CTSO: variants seen among roughly 807,000 people sequenced by gnomAD.
The protein encoded by CTSO is cathepsin O.
CTSO carries 40 observed loss-of-function variants against 42.4 expected under a neutral mutation model. That is an observed-to-expected ratio of 0.94 (90% CI 0.73 to 1.23). The LOEUF (loss-of-function observed/expected upper bound fraction) is 1.23, where lower values mean the gene tolerates loss of function less well. Ranked by LOEUF, CTSO falls within the 50% of genes most tolerant of loss-of-function variation. CTSO has a pLI of 0.00. For synonymous variants in CTSO, 156 were observed against 146.2 expected, an observed-to-expected ratio of 1.07 and a Z score of -0.48; for missense variants, 441 against 396.0, an observed-to-expected ratio of 1.11 and a Z score of -0.96.
chr4:155,953,679 A>G, intron 1 of CTSO, 34 bp downstream of exon 1: 1 of 1,253,618 alleles, frequency 8.0e-7, no homozygotes, highest in Non-Finnish European at 1.0e-6. Flanking sequence ...GTGAGGGAGC[A>G]GGGACAGATC....
Position 155,928,177 on chromosome 4 carries a change from T to C in CTSO, c.931+159A>G, listed in dbSNP as rs187106526. Among the ~76,000 whole-genome samples, 8 of 145,690 alleles carry C rather than the reference T, an allele frequency of 5.5e-5. 2 individuals are homozygous for C. In the South Asian group the frequency reaches 1.9e-3, roughly 34 times the overall value. ...TCTTCCTTTTTCAAATACTAATATG[T>C]TTAACAGTTCCTCTTGCAAAACACT... On this transcript the variant is annotated intron_variant, in intron 7 of 7. Transcript: ENST00000433477.
At chr4:155,930,765 A>G (rs945084672) in intron 5 of CTSO, among the ~76,000 whole-genome samples, 7 of 152,136 alleles carry the variant, frequency 4.6e-5, no homozygotes, top group African/African-American at 1.7e-4. Context: ...ATAATAATGG[A>G]ATTGATTGAA....
At chr4:155,928,188 C>T in intron 7 of CTSO, 148 bp downstream of exon 7, 4 of 475,236 alleles carry the variant, frequency 8.4e-6, no homozygotes, top group East Asian at 3.3e-5. Context: ...TTAACAGTTC[C>T]TCTTGCAAAA....
chr4:155,927,757 A>G (rs1743155970), intron 7 of CTSO, among the ~76,000 whole-genome samples: 1 of 152,108 alleles, frequency 6.6e-6, no homozygotes, highest in Non-Finnish European at 1.5e-5. Flanking sequence ...CCTGGGAGAC[A>G]GAGCGAGACT....
chr4:155,929,764 G>T, intron 5 of CTSO, 59 bp from the exon 6 acceptor site: 3 of 1,488,616 alleles, frequency 2.0e-6, no homozygotes, highest in South Asian at 1.3e-5. Flanking sequence ...AAATAACAAT[G>T]ATCTATATAA....
intron 7 of CTSO, 104 bp from the exon 8 acceptor site, chr4:155,926,174 A>G: frequency 1.3e-6 from 1 of 744,402 alleles, no homozygotes; most frequent in Non-Finnish European, 2.2e-6. Context: ...GTATCTACTG[A>G]GAAAATAATG....
At chr4:155,933,960 A>G (rs545728615) in intron 5 of CTSO, among the ~76,000 whole-genome samples, 15 of 152,332 alleles carry the variant, frequency 9.8e-5, no homozygotes, top group African/African-American at 3.4e-4. Flanking sequence ...GAGACATTGA[A>G]GCCAGCTGCA....
intron 1 of CTSO, among the ~76,000 whole-genome samples, chr4:155,948,520 A>T (rs1743587980): frequency 6.6e-6 from 1 of 152,186 alleles, no homozygotes; most frequent in African/African-American, 2.4e-5. Flanking sequence ...CTTCATGAGT[A>T]TGCTAAAGGA....
intron 3 of CTSO, 103 bp from the exon 4 acceptor site, chr4:155,939,641 C>A: frequency 9.6e-7 from 1 of 1,046,456 alleles, no homozygotes; most frequent in Non-Finnish European, 1.4e-6. Flanking sequence ...CTTCCAGATT[C>A]TGGAAACCTA....
At chr4:155,952,677 G>A (rs1004576748) in intron 1 of CTSO, among the ~76,000 whole-genome samples, 1 of 152,226 alleles carries the variant, frequency 6.6e-6, no homozygotes, top group African/African-American at 2.4e-5. Flanking sequence ...AGAGTGGACA[G>A]AATCAGGGAA....
chr4:155,937,742 GT>G (rs1743357307), intron 4 of CTSO, among the ~76,000 whole-genome samples: 1 of 151,956 alleles, frequency 6.6e-6, no homozygotes, highest in Non-Finnish European at 1.5e-5. Flanking sequence ...CGTCTCCCCA[GT>G]AGCTGTGACT....
chr4:155,928,782 A>G (rs1038655794), intron 6 of CTSO, among the ~76,000 whole-genome samples: 6 of 152,214 alleles, frequency 3.9e-5, no homozygotes. Context: ...ATTATTCTAA[A>G]TGTTCCCGAT....
chr4:155,933,882 C>T (rs750194497), intron 5 of CTSO, among the ~76,000 whole-genome samples: 38 of 152,134 alleles, frequency 2.5e-4, no homozygotes, highest in Non-Finnish European at 5.4e-4. Flanking sequence ...AAAGGGAAAA[C>T]AGAGCATAAA....
At chr4:155,952,726 C>A (rs1028662151) in intron 1 of CTSO, among the ~76,000 whole-genome samples, 1 of 152,022 alleles carries the variant, frequency 6.6e-6, no homozygotes, top group African/African-American at 2.4e-5. Context: ...CCAGGAGAGT[C>A]GGGGGAAAAG....
At chr4:155,941,043 A>G (rs1743421603) in intron 3 of CTSO, among the ~76,000 whole-genome samples, 1 of 152,264 alleles carries the variant, frequency 6.6e-6, no homozygotes, top group Non-Finnish European at 1.5e-5. Flanking sequence ...TCTAATTGAC[A>G]TGTTATTACA....
intron 1 of CTSO, among the ~76,000 whole-genome samples, chr4:155,948,145 A>G (rs1268782755): frequency 6.6e-6 from 1 of 152,174 alleles, no homozygotes; most frequent in Non-Finnish European, 1.5e-5. Context: ...CAGAAGGGTA[A>G]CTCAGAACCC....
chr4:155,943,299 A>G (rs1444602555), intron 1 of CTSO, 35 bp from the exon 2 acceptor site: 2 of 1,329,124 alleles, frequency 1.5e-6, no homozygotes, highest in African/African-American at 1.5e-5. Flanking sequence ...CATATCCACT[A>G]TGTCAGTTTT....
intron 3 of CTSO, among the ~76,000 whole-genome samples, chr4:155,941,167 C>A (rs1743423748): frequency 6.6e-6 from 1 of 152,062 alleles, no homozygotes; most frequent in Non-Finnish European, 1.5e-5. Context: ...ACAGCTGGCA[C>A]CAAAACACTT....
chr4:155,928,538 G>T (rs1579338136), intron 6 of CTSO, 110 bp from the exon 7 acceptor site: 1 of 714,772 alleles, frequency 1.4e-6, no homozygotes, highest in Non-Finnish European at 2.3e-6. Context: ...GCTCTGAGAA[G>T]AAGATTAAAA....
Sources: gnomAD v4.1 joint callset for allele counts (sites outside exome capture counted in the v4.1 genomes callset) on GRCh38, gnomAD v4.1.1 for gene constraint, MANE v1.5 for transcripts, NCBI Gene and HGNC (gene_info 2026-07-23, HGNC 2026-07-21) for gene names.